NUDT1: variants seen among roughly 807,000 people sequenced by gnomAD.
The protein encoded by NUDT1 is nudix hydrolase 1, also known as oxidized purine nucleoside triphosphate hydrolase.
A neutral mutation model predicts 11.3 loss-of-function variants in NUDT1; 16 were observed. The ratio of observed to expected loss-of-function variants is 1.41; its 90% confidence interval spans 0.96 to 2.15. The LOEUF (loss-of-function observed/expected upper bound fraction) is 2.15, where lower values mean the gene tolerates loss of function less well. Among genes scored for constraint, NUDT1 ranks in the 30% most tolerant of loss-of-function variants. The pLI is 0.00. For missense variants in NUDT1, 234 were observed against 208.4 expected (o/e 1.12, Z -0.76); for synonymous variants, 101 against 84.4 (o/e 1.20, Z -1.08).
intron 1 of NUDT1, chr7:2,243,095 C>T (rs1794616911): frequency 2.9e-6 from 2 of 693,082 alleles, no homozygotes; most frequent in African/African-American, 1.8e-5. Flanking sequence ...GGGCTCTCCT[C>T]TGACCGCCCC....
chr7:2,250,769 G>A, intron 3 of NUDT1, 60 bp from the exon 4 acceptor site: 1 of 1,608,346 alleles, frequency 6.2e-7, no homozygotes, highest in Non-Finnish European at 8.5e-7. Flanking sequence ...AAAAAAACAT[G>A]TTTTTTAAGC....
At chr7:2,248,346 G>A (rs1003550940) in intron 2 of NUDT1, among the ~76,000 whole-genome samples, 1 of 152,204 alleles carries the variant, frequency 6.6e-6, no homozygotes, top group African/African-American at 2.4e-5. Context: ...ACTGAGCACA[G>A]CAAGCAAACG....
chr7:2,243,321 G>A lies in NUDT1; in HGVS notation c.-13+1065G>A, dbSNP rs534808562. Among the ~76,000 whole-genome samples, 6 of 152,324 alleles carry A rather than the reference G, an allele frequency of 3.9e-5. No individual in the cohort carries two copies. In the East Asian group the frequency reaches 1.2e-3, roughly 29 times the overall value. ...GTCCTCACCCAGGTCCCTGGGCACA[G>A]GCCTGGGTGTGGAGCCCTGGCCAGA... On this transcript the variant is annotated intron_variant, in intron 1 of 3. Coordinates refer to ENST00000356714, the MANE Select transcript of NUDT1 (RefSeq NM_002452.4).
chr7:2,242,575 G>A (rs1794591224), intron 1 of NUDT1: 1 of 339,946 alleles, frequency 2.9e-6, no homozygotes, highest in East Asian at 5.8e-5. Context: ...GGCCTGGTGT[G>A]AAACTAAGCC....
intron 3 of NUDT1, 138 bp downstream of exon 3, chr7:2,250,140 C>T (rs1340739020): frequency 1.4e-5 from 16 of 1,127,982 alleles, no homozygotes; most frequent in Admixed American, 2.1e-5. Context: ...ACAGTGCCAG[C>T]GTGGGGCCCA....
intron 1 of NUDT1, 86 bp downstream of exon 1, chr7:2,242,342 C>T: frequency 6.7e-6 from 4 of 601,444 alleles, no homozygotes; most frequent in Non-Finnish European, 1.1e-5. Flanking sequence ...ACTAGGGGAG[C>T]TGAGCCATGG....
chr7:2,243,463 A>G (rs1794637032), intron 1 of NUDT1, among the ~76,000 whole-genome samples: 1 of 152,166 alleles, frequency 6.6e-6, no homozygotes, highest in Admixed American at 6.5e-5. Flanking sequence ...TGTCTTGTCC[A>G]GGTGTGGACC....
chr7:2,250,718 A>G (rs1562411882), intron 3 of NUDT1, 111 bp from the exon 4 acceptor site: 12 of 944,638 alleles, frequency 1.3e-5, no homozygotes, highest in East Asian at 2.6e-5. Flanking sequence ...TCGGCCTCCC[A>G]AAGTGCTGGG....
chr7:2,246,204 C>G (rs572205454), intron 2 of NUDT1, among the ~76,000 whole-genome samples: 67 of 152,202 alleles, frequency 4.4e-4, no homozygotes, highest in Non-Finnish European at 8.5e-4. Flanking sequence ...TAGCGCTGCT[C>G]TGTGTGGGGC....
rs200444773 is a variant in NUDT1, at chr7:2,244,661, C to G, written c.87C>G (p.Ala29=). Residue 29 remains alanine (A), a synonymous_variant, in exon 2 of 4, where the codon GCC becomes GCG. Transcript: ENST00000356714. ...GCATGAAAAAGCGAGGCTTCGGGGC[C>G]GGCCGGTGGAATGGCTTTGGGGGCA... ...LLGMKKRGFG[A]GRWNGFGGKV... is the part of the protein sequence containing the mutation. 4.0e-5 allele frequency: 64 copies of G among 1,613,696 alleles called. No homozygotes were observed. The highest frequency in any genetic ancestry group is 5.3e-5 in the Non-Finnish European group (63 of 1,179,914).
rs1562410693 is a variant in NUDT1, at chr7:2,249,952, TGCATGTCTTCTGCACAGACA to T, written c.253_272del (p.Val85ProfsTer92). 1 of 1,614,176 alleles carries T rather than the reference TGCATGTCTTCTGCACAGACA, an allele frequency of 6.2e-7. No homozygotes were observed. On this transcript the variant is annotated frameshift_variant, in exon 3 of 4. Coordinates refer to ENST00000356714, the MANE Select transcript of NUDT1 (RefSeq NM_002452.4). LOFTEE classifies it low-confidence loss of function (END_TRUNC). Reference sequence around the variant, plus strand: ...GTGGGCGAGCCTGAGCTCATGGACGTGCATGTCTTCTGCACAGACAGCATCCAGGGGACCCCCGTGGAGAG... The same window carrying T: ...GTGGGCGAGCCTGAGCTCATGGACGTGCATCCAGGGGACCCCCGTGGAGAG...
rs1794693402 is a variant in NUDT1 at position 2,244,601 on chromosome 7, G to C, written c.27G>C (p.Leu9=). Residue 9 remains leucine (L), a synonymous_variant, in exon 2 of 4, where the codon CTG becomes CTC. Transcript: ENST00000356714. The stretch of plus-strand genomic sequence containing the variant: ...TGGGCGCCTCCAGGCTCTATACCCT[G>C]GTGCTGGTCCTGCAGCCTCAGCGAG... MGASRLYT[L]VLVLQPQRVL... 6.2e-7 allele frequency: 1 copy of C among 1,611,050 alleles called. No homozygotes were observed. Among genetic ancestry groups the C allele is most frequent in the African/African-American group, 1.3e-5 (1 of 75,000 alleles).
rs140145791 is a variant in NUDT1 at position 2,249,927 on chromosome 7, G to C, written c.223G>C (p.Val75Leu). The C allele has an allele frequency of 4.5e-5, 72 of 1,614,088 alleles. No individual in the cohort carries two copies. Among genetic ancestry groups the C allele is most frequent in the Non-Finnish European group, 5.6e-5 (66 of 1,180,040 alleles). ...HKVGQIVFEFVGEPELMDVHV... is the reference protein window; with the variant it reads ...HKVGQIVFEFLGEPELMDVHV... The stretch of plus-strand genomic sequence containing the variant: ...GGTGGGCCAGATCGTGTTTGAGTTC[G>C]TGGGCGAGCCTGAGCTCATGGACGT... The change falls in exon 3 of 4, where the codon GTG (valine) becomes CTG (leucine). Residue 75 changes from valine (V) to leucine (L), a missense_variant. Physicochemically the swap from Val to Leu is conservative, Grantham distance 32 (BLOSUM62 1). Transcript: ENST00000356714.
At chr7:2,244,183 G>A (rs747212618) in intron 1 of NUDT1, among the ~76,000 whole-genome samples, 6 of 152,196 alleles carry the variant, frequency 3.9e-5, no homozygotes, top group Non-Finnish European at 8.8e-5. Context: ...AATCAGGCAC[G>A]GGGACTGTTG....
At chr7:2,245,015 G>A (rs1229466726) in intron 2 of NUDT1, among the ~76,000 whole-genome samples, 1 of 152,184 alleles carries the variant, frequency 6.6e-6, no homozygotes, top group African/African-American at 2.4e-5. Context: ...GGGGGCTGCA[G>A]GGCGTATCTG....
intron 1 of NUDT1, among the ~76,000 whole-genome samples, chr7:2,243,231 G>A (rs1239336891): frequency 6.6e-6 from 1 of 152,184 alleles, no homozygotes; most frequent in Admixed American, 6.5e-5. Context: ...TTTTTTTATA[G>A]GCACAGGACG....
At chr7:2,245,438 C>T (rs987754295) in intron 2 of NUDT1, among the ~76,000 whole-genome samples, 2 of 152,158 alleles carry the variant, frequency 1.3e-5, no homozygotes, top group Non-Finnish European at 2.9e-5. Flanking sequence ...TAGTGGCTTT[C>T]CAATTTTTTC....
intron 1 of NUDT1, chr7:2,242,584 C>T: frequency 3.0e-6 from 1 of 335,058 alleles, no homozygotes; most frequent in Non-Finnish European, 5.5e-6. Flanking sequence ...TGAAACTAAG[C>T]CACAAACCCA....
chr7:2,247,774 C>G (rs1378265524), intron 2 of NUDT1, among the ~76,000 whole-genome samples: 1 of 152,190 alleles, frequency 6.6e-6, no homozygotes, highest in African/African-American at 2.4e-5. Context: ...TTGATGCTTC[C>G]TACGCTGCCA....
Sources: gnomAD v4.1 joint callset for allele counts (sites outside exome capture counted in the v4.1 genomes callset) on GRCh38, gnomAD v4.1.1 for gene constraint, MANE v1.5 for transcripts, NCBI Gene and HGNC (gene_info 2026-07-23, HGNC 2026-07-21) for gene names.